Variants in ATMIN observed in about 807,000 individuals in gnomAD.
ATMIN encodes the protein ATM INteracting protein.
Under a neutral mutation model 49.2 loss-of-function variants are expected in ATMIN, and 24 were observed. The ratio of observed to expected loss-of-function variants is 0.49; its 90% CI spans 0.35 to 0.69. The LOEUF (loss-of-function observed/expected upper bound fraction) is 0.69. Among genes scored for constraint, ATMIN ranks in the 30% least tolerant of loss-of-function variants. ATMIN has a pLI of 0.00. For synonymous variants in ATMIN, 450 were observed against 392.5 expected, an observed-to-expected ratio of 1.15 and a Z score of -1.73; for missense variants, 1,037 against 1,005.5, an observed-to-expected ratio of 1.03 and a Z score of -0.42.
At chr16:81,042,013 C>T (rs1002439364) in intron 2 of ATMIN, among the ~76,000 whole-genome samples, 1 of 152,162 alleles carries the variant, frequency 6.6e-6, no homozygotes, top group African/African-American at 2.4e-5. Flanking sequence ...CTGCCTGCAG[C>T]ACTTACAGAT....
rs1244284310 is a variant in ATMIN at position 81,035,893 on chromosome 16, CGGCGGCGGGGTCCGCGGCTCT to C, written c.33_53del (p.Ser12_Gly18del). ...GCCATGGCGGCCTCGGAGGCGGCGG[CGGCGGCGGGGTCCGCGGCTCT>C]GGCGGCGGGTGCCCGGGCCGTCCCG... On this transcript the variant is annotated inframe_deletion, in exon 1 of 4. Coordinates refer to ENST00000299575, the MANE Select transcript of ATMIN (RefSeq NM_015251.3). 7.9e-5 allele frequency: 77 copies of C among 975,994 alleles called. No individual in the cohort carries two copies. Among genetic ancestry groups the C allele is most frequent in the East Asian group, 2.3e-4 (2 of 8,610 alleles). 60.5% of individuals were successfully genotyped at this position (975,994 alleles called of 1,614,324 possible).
intron 1 of ATMIN, chr16:81,040,982 G>C (rs762173622): frequency 1.4e-5 from 3 of 207,678 alleles, no homozygotes; most frequent in Non-Finnish European, 3.0e-5. Flanking sequence ...AAAAGATAAT[G>C]AAAGGATTAC....
intron 1 of ATMIN, 75 bp from the exon 2 acceptor site, chr16:81,041,279 TCA>T: frequency 6.8e-7 from 1 of 1,464,848 alleles, no homozygotes; most frequent in South Asian, 1.3e-5. Context: ...GTGCTCGTTT[TCA>T]GTCATTCCGT....
In ATMIN at chr16:81,036,152, C is replaced by G. The variant is rs760299345; in HGVS notation, c.282C>G (p.Ile94Met). Residue 94 changes from isoleucine (I) to methionine (M), a missense_variant, in exon 1 of 4, where the codon ATC becomes ATG. Transcript: ENST00000299575. ...GCACCGTGCGCGGCTGCGGCAAGATCCTGCCCAACAGCCCCGCGCTCAACA... is the reference window on the plus strand; with the variant it reads ...GCACCGTGCGCGGCTGCGGCAAGATGCTGCCCAACAGCCCCGCGCTCAACA... ...ILCTVRGCGK[I>M]LPNSPALNMH... is the part of the protein sequence containing the mutation. The G allele has an allele frequency of 6.8e-7, 1 of 1,474,518 alleles. No homozygotes were observed. The highest frequency in any genetic ancestry group is 9.0e-7 in the Non-Finnish European group (1 of 1,106,792). The allele number at this position is 1,474,518 out of a possible 1,614,324, so 91.3% of individuals were successfully genotyped here. A position where few individuals can be genotyped will look rare whatever the true frequency, so the allele number is the denominator to read the frequency against.
chr16:81,045,302 G>A lies in ATMIN; in HGVS notation c.*332G>A, dbSNP rs190537556. On this transcript the variant is annotated 3_prime_UTR_variant, in exon 4 of 4. Transcript: ENST00000299575. ...CTGAAGCCCAGCTTACCAGGTTCAA[G>A]GGTACAAACTTCTCAAATCTTCAAA... The A allele has an allele frequency of 8.3e-5, 20 of 240,042 alleles. No individual in the cohort carries two copies. In the East Asian group the frequency reaches 1.9e-3, roughly 22 times the overall value. 14.9% of individuals were successfully genotyped at this position (240,042 alleles called of 1,614,324 possible). A position where few individuals can be genotyped will look rare whatever the true frequency, so the allele number is the denominator to read the frequency against.
In ATMIN at chr16:81,036,124, T is replaced by A. The variant is rs770051803; in HGVS notation, c.254T>A (p.Leu85Gln). The A allele has an allele frequency of 2.1e-6, 3 of 1,462,836 alleles. No individual in the cohort carries two copies. Among genetic ancestry groups the A allele is most frequent in the African/African-American group, 2.9e-5 (2 of 68,196 alleles). The allele number at this position is 1,462,836 out of a possible 1,614,324, so 90.6% of individuals were successfully genotyped here. ...ELSRAVRTNILCTVRGCGKIL... is the reference protein window; with the variant it reads ...ELSRAVRTNIQCTVRGCGKIL... ...TCCCGGGCCGTGCGGACCAACATCC[T>A]GTGCACCGTGCGCGGCTGCGGCAAG... Residue 85 changes from leucine to glutamine, a missense_variant, in exon 1 of 4, where the codon CTG becomes CAG. By Grantham distance (113) the Leu-to-Gln change is moderately radical. Coordinates refer to ENST00000299575, the MANE Select transcript of ATMIN (RefSeq NM_015251.3).
Position 81,045,494 on chromosome 16 carries a change from C to G in ATMIN, c.*524C>G, listed in dbSNP as rs987546148. 1 of 153,048 alleles carries G rather than the reference C, an allele frequency of 6.5e-6. No individual in the cohort carries two copies. The highest frequency in any genetic ancestry group is 1.5e-5 in the Non-Finnish European group (1 of 68,676). 9.5% of individuals were successfully genotyped at this position (153,048 alleles called of 1,614,324 possible). On this transcript the variant is annotated 3_prime_UTR_variant, in exon 4 of 4. Transcript: ENST00000299575. ...GCTCTTAAGACTCCTGCTGCCTGGA[C>G]CTTCGTCAGCTTTGACACCTCTTTT...
At position 81,045,338 on chromosome 16, in the gene ATMIN, C is replaced by G. The variant is rs1971100338; in HGVS notation, c.*368C>G. The G allele has an allele frequency of 5.0e-6, 1 of 200,790 alleles. No individual in the cohort carries two copies. The highest frequency in any genetic ancestry group is 2.4e-5 in the African/African-American group (1 of 42,382). The allele number at this position is 200,790 out of a possible 1,614,324, so 12.4% of individuals were successfully genotyped here. A position where few individuals can be genotyped will look rare whatever the true frequency, so the allele number is the denominator to read the frequency against. On this transcript the variant is annotated 3_prime_UTR_variant, in exon 4 of 4. Transcript: ENST00000299575. Reference sequence around the variant, plus strand: ...TCTCAAATCTTCAAAACATTTTAGTCAAAGTGTAATATACTTAAACTGCAC... The same window carrying G: ...TCTCAAATCTTCAAAACATTTTAGTGAAAGTGTAATATACTTAAACTGCAC...
In ATMIN at chr16:81,045,098, T is replaced by C; in HGVS notation, c.*128T>C. 12 of 1,261,718 alleles carry C rather than the reference T, an allele frequency of 9.5e-6. No homozygotes were observed. Among genetic ancestry groups the C allele is most frequent in the South Asian group, 1.6e-5 (1 of 62,184 alleles). 78.2% of individuals were successfully genotyped at this position (1,261,718 alleles called of 1,614,324 possible). ...GATGCAGTTGCTTAGCTTCTTTGTG[T>C]TTCTTTGCCTTTTGTACTTGTAAAC... On this transcript the variant is annotated 3_prime_UTR_variant, in exon 4 of 4. Transcript: ENST00000299575.
At chr16:81,041,659 C>T (rs925584671) in intron 2 of ATMIN, 178 bp downstream of exon 2, 8 of 679,082 alleles carry the variant, frequency 1.2e-5, no homozygotes, top group South Asian at 4.4e-5. Flanking sequence ...AAAAGCGGCA[C>T]GGTCTGGAGG....
intron 1 of ATMIN, among the ~76,000 whole-genome samples, chr16:81,039,214 A>G (rs759618665): frequency 6.6e-6 from 1 of 152,212 alleles, no homozygotes; most frequent in Non-Finnish European, 1.5e-5. Context: ...TGTGTTGACC[A>G]GAGACTCCAT....
At position 81,036,233 on chromosome 16, in the gene ATMIN, G is replaced by C. The variant is rs759165833; in HGVS notation, c.336+27G>C. 8.8e-6 allele frequency: 12 copies of C among 1,369,470 alleles called. No homozygotes were observed. In the African/African-American group the frequency reaches 1.7e-4, roughly 19 times the overall value. 84.8% of individuals were successfully genotyped at this position (1,369,470 alleles called of 1,614,324 possible). ...TGAGCCCGACGCGGCCGGCGGCCCG[G>C]GGGGCCGGGCCTGGCTCCAACAAAG... On this transcript the variant is annotated intron_variant, in intron 1 of 3. Coordinates refer to ENST00000299575, the MANE Select transcript of ATMIN (RefSeq NM_015251.3).
chr16:81,036,338 C>T (rs1970932665), intron 1 of ATMIN, 132 bp downstream of exon 1: 1 of 889,356 alleles, frequency 1.1e-6, no homozygotes, highest in Admixed American at 5.5e-5. Context: ...CCACCGGCCT[C>T]TGCCCTCCCC....
rs574750843 is a variant in ATMIN, at chr16:81,045,970, C to G, written c.*1000C>G. 12 of 102,710 alleles carry G rather than the reference C, an allele frequency of 1.2e-4. 1 individual carries two copies. The highest frequency in any genetic ancestry group is 3.4e-4 in the African/African-American group (12 of 35,444). The allele number at this position is 102,710 out of a possible 1,614,324, so 6.4% of individuals were successfully genotyped here. The stretch of plus-strand genomic sequence containing the variant: ...TCCAACCTGGGTAACAGGGCAAGAC[C>G]CTATCTCAAAAAAAAAAAAAGTCGC... On this transcript the variant is annotated 3_prime_UTR_variant, in exon 4 of 4. Transcript: ENST00000299575.
At chr16:81,043,110 C>T (rs895356297) in intron 3 of ATMIN, 51 bp from the exon 4 acceptor site, 12 of 1,541,964 alleles carry the variant, frequency 7.8e-6, no homozygotes, top group Admixed American at 4.2e-5. Flanking sequence ...GTGTCATGGT[C>T]GAAGAAAGTT....
At position 81,043,158 on chromosome 16, in the gene ATMIN, C is replaced by G; in HGVS notation, c.663-3C>G. On this transcript the variant is annotated splice_region_variant and splice_polypyrimidine_tract_variant and intron_variant, in intron 3 of 3. Transcript: ENST00000299575. ...TTTCTTTTTGCTCTGTCATTGTTTT[C>G]AGGGACCCACCTAGTAAGAAAAGGA... 3.1e-6 allele frequency: 5 copies of G among 1,588,838 alleles called. No homozygotes were observed. Among genetic ancestry groups the G allele is most frequent in the Non-Finnish European group, 4.3e-6 (5 of 1,172,080 alleles).
chr16:81,043,649 T>G lies in ATMIN; in HGVS notation c.1151T>G (p.Val384Gly), dbSNP rs778166895. The change falls in exon 4 of 4, where the codon GTT becomes GGT. Residue 384 changes from valine to glycine, a missense_variant. Val to Gly is a moderately radical substitution (Grantham distance 109, BLOSUM62 -3). Transcript: ENST00000299575. ...PIAGEPISTG[V>G]QVNFGKSPSN... is the part of the protein sequence containing the mutation. The stretch of plus-strand genomic sequence containing the variant: ...GCTGGTGAGCCAATAAGTACTGGTG[T>G]TCAAGTGAACTTTGGTAAAAGTCCA... The G allele has an allele frequency of 2.0e-5, 33 of 1,614,184 alleles. No homozygotes were observed. The South Asian group carries it at 3.5e-4, about 17-fold the overall frequency.
rs1430615754 is a variant in ATMIN, at chr16:81,044,801, T to C, written c.2303T>C (p.Met768Thr). The C allele has an allele frequency of 8.1e-6, 13 of 1,614,184 alleles. No homozygotes were observed. The Middle Eastern group carries it at 4.9e-4, about 61-fold the overall frequency. The change falls in exon 4 of 4, where the codon ATG becomes ACG. Residue 768 changes from methionine to threonine, a missense_variant. Met to Thr is a moderately conservative substitution (Grantham distance 81, BLOSUM62 -1). Coordinates refer to ENST00000299575, the MANE Select transcript of ATMIN (RefSeq NM_015251.3). ...TTGAACAGTACAGAAACACAGACCA[T>C]GAGTTCTGGGTTTGAAACCCTGGGG... is the stretch of plus-strand genomic sequence containing the variant. ...VQLNSTETQT[M>T]SSGFETLGSL... is the part of the protein sequence containing the mutation.
rs371500492 is a variant in ATMIN, at chr16:81,041,369, A to G, written c.350A>G (p.Asn117Ser). Residue 117 changes from asparagine to serine, a missense_variant, in exon 2 of 4, where the codon AAT becomes AGT. Physicochemically the swap from Asn to Ser is conservative, Grantham distance 46. Coordinates refer to ENST00000299575, the MANE Select transcript of ATMIN (RefSeq NM_015251.3). ...TTCCTTTTGCAGGATGGCATAGTCA[A>G]TCCAACAATAAGAAAAGATTTGAAA... Reference protein sequence around the residue: ...KSHRLQDGIVNPTIRKDLKTG... With the variant: ...KSHRLQDGIVSPTIRKDLKTG... 5.0e-6 allele frequency: 8 copies of G among 1,612,256 alleles called. No homozygotes were observed. Among genetic ancestry groups the G allele is most frequent in the African/African-American group, 2.7e-5 (2 of 74,808 alleles).
Sources: gnomAD v4.1 joint callset for allele counts (sites outside exome capture counted in the v4.1 genomes callset) on GRCh38, gnomAD v4.1.1 for gene constraint, MANE v1.5 for transcripts, NCBI Gene and HGNC (gene_info 2026-07-23, HGNC 2026-07-21) for gene names.